Variants in B3GALT1 observed in about 807,000 individuals in gnomAD.
The protein encoded by B3GALT1 is UDP-Gal:betaGlcNAc beta 1,3-galactosyltransferase, polypeptide 1.
In B3GALT1, 10 loss-of-function variants were observed where a neutral mutation model predicts 23.2. The observed-to-expected ratio is 0.43, with a 90% confidence interval of 0.27 to 0.73. The LOEUF (loss-of-function observed/expected upper bound fraction) is 0.73, where lower values mean the gene tolerates loss of function less well. Among genes scored for constraint, B3GALT1 ranks in the 30% least tolerant of loss-of-function variants. The pLI, the probability that B3GALT1 is intolerant of heterozygous loss-of-function variation, is 0.21. For synonymous variants in B3GALT1, 156 were observed against 141.5 expected (o/e 1.10, Z -0.73); for missense variants, 299 against 405.4 (o/e 0.74, Z 2.25).
chr2:167,831,611 T>C (rs1689355212), intron 4 of B3GALT1, among the ~76,000 whole-genome samples: 2 of 151,916 alleles, frequency 1.3e-5, no homozygotes, highest in South Asian at 2.1e-4. Flanking sequence ...AAAGGAGATA[T>C]GAATAGAGGG....
At chr2:167,449,627 A>G (rs1023796723) in intron 1 of B3GALT1, among the ~76,000 whole-genome samples, 10 of 152,090 alleles carry the variant, frequency 6.6e-5, no homozygotes, top group African/African-American at 2.2e-4. Flanking sequence ...TTCCAGTACT[A>G]TGTTGAATAG....
chr2:167,606,036 G>A (rs1013523205), intron 2 of B3GALT1, among the ~76,000 whole-genome samples: 1 of 152,124 alleles, frequency 6.6e-6, no homozygotes, highest in Non-Finnish European at 1.5e-5. Context: ...CCCCATTCCT[G>A]TCACCTTAAA....
intron 3 of B3GALT1, among the ~76,000 whole-genome samples, chr2:167,655,785 T>C (rs1252190104): frequency 6.6e-6 from 1 of 152,198 alleles, no homozygotes; most frequent in African/African-American, 2.4e-5. Context: ...ACAGCTGTTA[T>C]TAGTACTGTT....
intron 1 of B3GALT1, among the ~76,000 whole-genome samples, chr2:167,415,157 T>A (rs1698448553): frequency 6.6e-6 from 1 of 152,178 alleles, no homozygotes; most frequent in Non-Finnish European, 1.5e-5. Context: ...GTGGCAGTAC[T>A]GACAAGTGGG....
At chr2:167,624,229 T>C (rs1469741964) in intron 2 of B3GALT1, among the ~76,000 whole-genome samples, 4 of 152,062 alleles carry the variant, frequency 2.6e-5, no homozygotes, top group Admixed American at 6.6e-5. Context: ...CACCACCAAC[T>C]TCTTTCTCTC....
intron 1 of B3GALT1, among the ~76,000 whole-genome samples, chr2:167,471,680 C>T (rs774612082): frequency 6.6e-6 from 1 of 152,066 alleles, no homozygotes; most frequent in Non-Finnish European, 1.5e-5. Flanking sequence ...GAAAACACTG[C>T]CTAATGTAAT....
chr2:167,741,636 A>G (rs1558965142), intron 3 of B3GALT1, among the ~76,000 whole-genome samples: 1 of 152,182 alleles, frequency 6.6e-6, no homozygotes, highest in African/African-American at 2.4e-5. Context: ...AGGGTGGACC[A>G]TGCCACTCCC....
intron 2 of B3GALT1, among the ~76,000 whole-genome samples, chr2:167,509,888 C>G (rs986130656): frequency 1.3e-5 from 2 of 152,160 alleles, no homozygotes; most frequent in African/African-American, 4.8e-5. Flanking sequence ...ATTTATTACT[C>G]TGGCTGCTGT....
intron 2 of B3GALT1, among the ~76,000 whole-genome samples, chr2:167,572,421 ATTTGGGATGTAGAGTGAACAGATGC>A (rs1363937015): frequency 6.6e-6 from 1 of 151,832 alleles, no homozygotes; most frequent in Non-Finnish European, 1.5e-5. Flanking sequence ...CGTTTTTCAG[ATTTGGGATGTAGAGTGAACAGATGC>A]TTTGCTTCCT....
intron 2 of B3GALT1, among the ~76,000 whole-genome samples, chr2:167,593,877 T>C (rs953318764): frequency 6.6e-6 from 1 of 152,048 alleles, no homozygotes; most frequent in African/African-American, 2.4e-5. Flanking sequence ...GAGGGAAATA[T>C]TGGACATATA....
At chr2:167,819,433 A>G (rs531790883) in intron 4 of B3GALT1, among the ~76,000 whole-genome samples, 1 of 152,342 alleles carries the variant, frequency 6.6e-6, no homozygotes, top group East Asian at 1.9e-4. Context: ...GATAAAAAGC[A>G]AGATAAATAC....
intron 2 of B3GALT1, among the ~76,000 whole-genome samples, chr2:167,495,700 C>T (rs1699774567): frequency 6.6e-6 from 1 of 152,076 alleles, no homozygotes; most frequent in South Asian, 2.1e-4. Flanking sequence ...AGATCTGTTC[C>T]TAGGCTTTTC....
At chr2:167,825,606 A>G (rs1689205036) in intron 4 of B3GALT1, among the ~76,000 whole-genome samples, 1 of 151,900 alleles carries the variant, frequency 6.6e-6, no homozygotes, top group Admixed American at 6.6e-5. Context: ...TTCCCCTTAG[A>G]GCACCTTTTT....
chr2:167,346,745 T>TGG (rs202176994), intron 1 of B3GALT1, among the ~76,000 whole-genome samples: 6 of 35,508 alleles, frequency 1.7e-4, no homozygotes, highest in East Asian at 5.6e-4. Context: ...TGTGTGTGTG[T>TGG]GGGGGGGGGG....
At chr2:167,760,329 C>T (rs1431413271) in intron 3 of B3GALT1, among the ~76,000 whole-genome samples, 1 of 152,146 alleles carries the variant, frequency 6.6e-6, no homozygotes, top group Non-Finnish European at 1.5e-5. Flanking sequence ...ATAATATTAA[C>T]TTGACCAGAA....
chr2:167,509,660 T>G (rs185475479), intron 2 of B3GALT1, among the ~76,000 whole-genome samples: 1 of 152,220 alleles, frequency 6.6e-6, no homozygotes, highest in Admixed American at 6.5e-5. Context: ...TACAAAGACC[T>G]TGACACGAGA....
intron 1 of B3GALT1, among the ~76,000 whole-genome samples, chr2:167,408,049 C>T (rs1232296980): frequency 6.6e-6 from 1 of 150,714 alleles, no homozygotes; most frequent in Non-Finnish European, 1.5e-5. Context: ...CACACACACA[C>T]ACACACACAC....
chr2:167,731,977 G>A (rs1239053284), intron 3 of B3GALT1, among the ~76,000 whole-genome samples: 1 of 152,094 alleles, frequency 6.6e-6, no homozygotes, highest in Non-Finnish European at 1.5e-5. Context: ...TGACGATTTG[G>A]TGAAACACTT....
At chr2:167,409,367 C>T (rs1396556559) in intron 1 of B3GALT1, among the ~76,000 whole-genome samples, 1 of 152,094 alleles carries the variant, frequency 6.6e-6, no homozygotes, top group East Asian at 1.9e-4. Context: ...TTCTATTCTC[C>T]CTGTCACTTT....
Sources: gnomAD v4.1 joint callset for allele counts (sites outside exome capture counted in the v4.1 genomes callset) on GRCh38, gnomAD v4.1.1 for gene constraint, MANE v1.5 for transcripts, NCBI Gene and HGNC (gene_info 2026-07-23, HGNC 2026-07-21) for gene names.